The following GRAMD1B variants were observed in gnomAD, a reference collection of about 807,000 sequenced individuals.
GRAMD1B encodes the protein GRAM domain containing 1B.
A neutral mutation model predicts 99.7 loss-of-function variants in GRAMD1B; 37 were observed. The ratio of observed to expected loss-of-function variants is 0.37; its 90% CI spans 0.29 to 0.49. The LOEUF (loss-of-function observed/expected upper bound fraction) is 0.49, where lower values mean the gene tolerates loss of function less well. Ranked by LOEUF, GRAMD1B falls within the 20% of genes least tolerant of loss-of-function variation. The pLI, the probability that GRAMD1B is intolerant of heterozygous loss-of-function variation, is 0.98. For missense variants in GRAMD1B, 888 were observed against 1,009.2 expected, an observed-to-expected ratio of 0.88 and a Z score of 1.63; for synonymous variants, 427 against 387.6, an observed-to-expected ratio of 1.10 and a Z score of -1.19.
At chr11:123,366,559 C>T (rs1565451820) in intron 1 of GRAMD1B, among the ~76,000 whole-genome samples, 1 of 152,166 alleles carries the variant, frequency 6.6e-6, no homozygotes. Context: ...TATAACTGCA[C>T]TGAAATGACA....
intron 2 of GRAMD1B, among the ~76,000 whole-genome samples, chr11:123,485,284 A>G (rs1452451099): frequency 2.0e-5 from 3 of 152,200 alleles, no homozygotes; most frequent in African/African-American, 7.2e-5. Flanking sequence ...ATCTTTCAGT[A>G]CCAGATGCAC....
intron 1 of GRAMD1B, among the ~76,000 whole-genome samples, chr11:123,446,458 G>A (rs141234655): frequency 6.6e-6 from 1 of 152,080 alleles, no homozygotes. Flanking sequence ...GAGCCACCAC[G>A]CCCAGCCCTC....
intron 1 of GRAMD1B, among the ~76,000 whole-genome samples, chr11:123,397,940 G>A (rs1173874976): frequency 6.6e-6 from 1 of 152,166 alleles, no homozygotes; most frequent in Non-Finnish European, 1.5e-5. Flanking sequence ...TATTAATGAA[G>A]AGTATTCCAT....
chr11:123,543,994 G>T (rs1944803874), intron 2 of GRAMD1B, among the ~76,000 whole-genome samples: 2 of 152,328 alleles, frequency 1.3e-5, no homozygotes, highest in Non-Finnish European at 2.9e-5. Context: ...ATTGTTAGCA[G>T]TTGAATAATT....
At chr11:123,403,146 C>T (rs377720825) in intron 1 of GRAMD1B, among the ~76,000 whole-genome samples, 24 of 152,004 alleles carry the variant, frequency 1.6e-4, no homozygotes, top group African/African-American at 5.6e-4. Context: ...TTTCCTGGGC[C>T]GGGCACGGAG....
chr11:123,598,739 C>G (rs1268867516), intron 7 of GRAMD1B: 1 of 894,236 alleles, frequency 1.1e-6, no homozygotes, highest in Non-Finnish European at 1.9e-6. Flanking sequence ...CTCCAGCCTG[C>G]GTCAGAGCAC....
chr11:123,483,049 A>G (rs1055908859), intron 2 of GRAMD1B, among the ~76,000 whole-genome samples: 1 of 149,912 alleles, frequency 6.7e-6, no homozygotes, highest in Non-Finnish European at 1.5e-5. Context: ...AAAAAAAAAA[A>G]GAGTTGGTTG....
intron 4 of GRAMD1B, among the ~76,000 whole-genome samples, chr11:123,586,487 C>T (rs1368557234): frequency 2.6e-5 from 4 of 152,228 alleles, no homozygotes; most frequent in Non-Finnish European, 5.9e-5. Flanking sequence ...GGGCTCTTTG[C>T]TGAGGAGTGT....
chr11:123,534,615 C>A (rs1369688361), intron 2 of GRAMD1B, among the ~76,000 whole-genome samples: 1 of 152,110 alleles, frequency 6.6e-6, no homozygotes, highest in African/African-American at 2.4e-5. Flanking sequence ...GTAATCCCAG[C>A]ACTTTGGGAG....
intron 2 of GRAMD1B, among the ~76,000 whole-genome samples, chr11:123,516,058 C>T (rs1011359697): frequency 7.9e-5 from 12 of 152,156 alleles, no homozygotes; most frequent in Non-Finnish European, 1.2e-4. Context: ...TGTGAGCCCC[C>T]GCACCCAGCC....
In GRAMD1B at chr11:123,430,954, G is replaced by C. The variant is rs1565494284; in HGVS notation, c.162G>C (p.Gln54His). 5 of 702,874 alleles carry C rather than the reference G, an allele frequency of 7.1e-6. No individual in the cohort carries two copies. The highest frequency in any genetic ancestry group is 1.3e-5 in the Non-Finnish European group (5 of 384,898). The allele number at this position is 702,874 out of a possible 1,614,324, so 43.5% of individuals were successfully genotyped here. The change falls in exon 1 of 20, where the codon CAG becomes CAC. Residue 54 changes from glutamine to histidine, a missense_variant. This residue lies in a region of GRAMD1B where 233 missense variants were observed against 154.6 expected (regional missense o/e 1.51). Coordinates refer to ENST00000635736, the MANE Select transcript of GRAMD1B (RefSeq NM_001387025.1). ...GCCGCATGAAGAACGTACAGGAGCA[G>C]AGCCTGGAGGCCGGGCTGGCCCGGG... ...KMRRMKNVQEQSLEAGLARDL... is the reference protein window; with the variant it reads ...KMRRMKNVQEHSLEAGLARDL...
chr11:123,529,329 A>G (rs1434872344), intron 2 of GRAMD1B, among the ~76,000 whole-genome samples: 1 of 152,228 alleles, frequency 6.6e-6, no homozygotes, highest in Non-Finnish European at 1.5e-5. Context: ...TTAGGTAAGT[A>G]AAGGCTGTAC....
chr11:123,373,476 G>A (rs976475856), intron 1 of GRAMD1B, among the ~76,000 whole-genome samples: 2 of 152,196 alleles, frequency 1.3e-5, no homozygotes, highest in African/African-American at 4.8e-5. Flanking sequence ...CCAAGTCACT[G>A]CTCAGGGCCT....
At chr11:123,588,193 C>T (rs1047525456) in intron 4 of GRAMD1B, among the ~76,000 whole-genome samples, 7 of 152,162 alleles carry the variant, frequency 4.6e-5, no homozygotes, top group African/African-American at 1.7e-4. Flanking sequence ...AATGCCCCAC[C>T]GAAATCCATC....
Position 123,624,972 on chromosome 11 carries a change from C to G in GRAMD1B, c.*2377C>G, listed in dbSNP as rs900117532. On this transcript the variant is annotated 3_prime_UTR_variant, in exon 20 of 20. Transcript: ENST00000635736. Reference sequence around the variant, plus strand: ...CCTCCTGGTTTTTTAGCGATTTGAACCCACTAGACAATGTGTGCACATAGG... The same window carrying G: ...CCTCCTGGTTTTTTAGCGATTTGAAGCCACTAGACAATGTGTGCACATAGG... 3.9e-5 allele frequency: 6 copies of G among 152,124 alleles called. No individual in the cohort carries two copies. Among genetic ancestry groups the G allele is most frequent in the Middle Eastern group, 3.2e-3 (1 of 316 alleles). The allele number at this position is 152,124 out of a possible 1,614,324, so 9.4% of individuals were successfully genotyped here.
At position 123,548,349 on chromosome 11, in the gene GRAMD1B, C is replaced by CATATATATATATATATATATATATATAT. The variant is rs142360908; in HGVS notation, c.453-29004_453-29003insATATATATATATATATATATATATATAT. ...ATACACACACACACACACACACACA[C>CATATATATATATATATATATATATATAT]ATATATATATATATGTACACACACA... On this transcript the variant is annotated intron_variant, in intron 2 of 19. Transcript: ENST00000635736. Among the ~76,000 whole-genome samples the CATATATATATATATATATATATATATAT allele has an allele frequency of 1.9e-5, 2 of 107,752 alleles. 1 individual carries two copies. The highest frequency in any genetic ancestry group is 9.2e-5 in the African/African-American group (2 of 21,852). The allele number at this position is 107,752 out of a possible 152,430, so 70.7% of individuals were successfully genotyped here.
rs763283753 is a variant in GRAMD1B, at chr11:123,492,858, T to TCA, written c.452+11970_452+11971dup. Among the ~76,000 whole-genome samples, 407 of 131,786 alleles carry TCA rather than the reference T, an allele frequency of 3.1e-3. 1 individual carries two copies. The highest frequency in any genetic ancestry group is 0.015 in the Middle Eastern group (4 of 262). The allele number at this position is 131,786 out of a possible 152,430, so 86.5% of individuals were successfully genotyped here. ...CTCTCTCTCTCTCTGTCTCTCTCTT[T>TCA]CACACATACACACACACACACACAC... On this transcript the variant is annotated intron_variant, in intron 2 of 19. Transcript: ENST00000635736. The surrounding 1 kb of genome is among the most constrained non-coding windows in gnomAD (Gnocchi z 4.2).
At chr11:123,471,342 G>A (rs1951007678) in intron 1 of GRAMD1B, among the ~76,000 whole-genome samples, 1 of 152,212 alleles carries the variant, frequency 6.6e-6, no homozygotes, top group Non-Finnish European at 1.5e-5. Context: ...GACCTCATCT[G>A]TGTTGTTTAC....
chr11:123,404,873 G>A (rs1172297867), intron 1 of GRAMD1B, among the ~76,000 whole-genome samples: 5 of 152,202 alleles, frequency 3.3e-5, no homozygotes, highest in Non-Finnish European at 7.3e-5. Context: ...TAGAAATTCC[G>A]CCTGTTGTCA....
Sources: gnomAD v4.1 joint callset for allele counts (sites outside exome capture counted in the v4.1 genomes callset) on GRCh38, gnomAD v4.1.1 for gene constraint, gnomAD v4.1.1 regional missense constraint, Gnocchi (gnomAD v3.1) non-coding constraint, MANE v1.5 for transcripts, NCBI Gene and HGNC (gene_info 2026-07-23, HGNC 2026-07-21) for gene names.